The following FOXP2 variants were observed in gnomAD, a reference collection of about 807,000 sequenced individuals.
FOXP2 encodes forkhead box P2, also known as forkhead box protein P2.
FOXP2 carries 12 observed loss-of-function variants against 115.8 expected under a neutral mutation model. That is an observed-to-expected ratio of 0.10 (90% confidence interval 0.07 to 0.17). The LOEUF is 0.17. Among genes scored for constraint, FOXP2 ranks in the 10% least tolerant of loss-of-function variants. FOXP2 has a pLI of 1.00. For missense variants in FOXP2, 629 were observed against 843.5 expected, an observed-to-expected ratio of 0.75 and a Z score of 3.15; for synonymous variants, 328 against 297.7, an observed-to-expected ratio of 1.10 and a Z score of -1.05.
intron 3 of FOXP2, among the ~76,000 whole-genome samples, chr7:114,620,748 A>G (rs1302106012): frequency 1.3e-5 from 2 of 152,096 alleles, no homozygotes; most frequent in African/African-American, 4.8e-5. Flanking sequence ...GCATAGTTTT[A>G]TAATCTAACC....
chr7:114,212,797 A>T (rs139760442), intron 1 of FOXP2, among the ~76,000 whole-genome samples: 465 of 152,320 alleles, frequency 3.1e-3, no homozygotes, highest in African/African-American at 0.011. Flanking sequence ...AAACAACAAC[A>T]ACATCCTGTA....
chr7:114,385,788 G>A (rs570384600), intron 2 of FOXP2, among the ~76,000 whole-genome samples: 7 of 152,222 alleles, frequency 4.6e-5, no homozygotes, highest in African/African-American at 1.7e-4. Context: ...GTTACCGGAG[G>A]TCCTTGCTCA....
intron 7 of FOXP2, among the ~76,000 whole-genome samples, 189 bp downstream of exon 7, chr7:114,642,812 ATTTTTTTTT>A (rs869136743): frequency 2.9e-4 from 21 of 72,414 alleles, no homozygotes; most frequent in African/African-American, 1.4e-3. Context: ...ATATATATAT[ATTTTTTTTT>A]TTTTTTAGGC....
chr7:114,211,402 T>G (rs981749121), intron 1 of FOXP2, among the ~76,000 whole-genome samples: 2 of 152,174 alleles, frequency 1.3e-5, no homozygotes, highest in Non-Finnish European at 2.9e-5. Context: ...AAAGCTGGTT[T>G]CCCGGGTAGG....
At chr7:114,164,553 C>T (rs1028361409) in intron 1 of FOXP2, among the ~76,000 whole-genome samples, 1 of 151,842 alleles carries the variant, frequency 6.6e-6, no homozygotes, top group Non-Finnish European at 1.5e-5. Context: ...ACCATGTTGG[C>T]CTGGTCTCGA....
chr7:114,197,044 A>G (rs935831234), intron 1 of FOXP2, among the ~76,000 whole-genome samples: 4 of 152,090 alleles, frequency 2.6e-5, no homozygotes, highest in African/African-American at 9.7e-5. Flanking sequence ...TAAAAATATT[A>G]GCCATTAGCC....
chr7:114,650,946 A>G (rs1156617940), intron 8 of FOXP2, among the ~76,000 whole-genome samples: 1 of 152,104 alleles, frequency 6.6e-6, no homozygotes, highest in East Asian at 1.9e-4. Flanking sequence ...GAACCTAGGT[A>G]TATAAACAAA....
At chr7:114,471,755 G>A (rs1796056653) in intron 2 of FOXP2, among the ~76,000 whole-genome samples, 1 of 150,808 alleles carries the variant, frequency 6.6e-6, no homozygotes, top group South Asian at 2.1e-4. Context: ...TTTGAGACCA[G>A]CCTGGCCAAC....
At chr7:114,499,796 C>A (rs763353588) in intron 2 of FOXP2, 3 of 152,094 alleles carry the variant, frequency 2.0e-5, no homozygotes, top group African/African-American at 7.2e-5. Context: ...TGAAGGATTG[C>A]TTAATTAATT....
intron 3 of FOXP2, among the ~76,000 whole-genome samples, chr7:114,543,519 G>A (rs1799780516): frequency 2.0e-5 from 3 of 151,164 alleles, no homozygotes; most frequent in African/African-American, 7.4e-5. Context: ...AATTTGCCCT[G>A]TGATTAATTT....
chr7:114,371,226 A>G (rs555093562), intron 2 of FOXP2, among the ~76,000 whole-genome samples: 1 of 149,816 alleles, frequency 6.7e-6, no homozygotes, highest in East Asian at 2.0e-4. Flanking sequence ...AACTAGAGGC[A>G]CATGCCACCA....
At chr7:114,253,426 T>G (rs1795509221) in intron 1 of FOXP2, among the ~76,000 whole-genome samples, 1 of 152,202 alleles carries the variant, frequency 6.6e-6, no homozygotes, top group East Asian at 1.9e-4. Context: ...TGTGGGAGTC[T>G]AAGTCTCTTT....
chr7:114,566,018 T>C (rs1339565862), intron 3 of FOXP2, among the ~76,000 whole-genome samples: 1 of 152,158 alleles, frequency 6.6e-6, no homozygotes, highest in Non-Finnish European at 1.5e-5. Context: ...TGAAGTTGTA[T>C]GAATTTGCAA....
At chr7:114,196,793 AT>A (rs1793923635) in intron 1 of FOXP2, among the ~76,000 whole-genome samples, 1 of 152,118 alleles carries the variant, frequency 6.6e-6, no homozygotes, top group Non-Finnish European at 1.5e-5. Flanking sequence ...AGTTCCCCTT[AT>A]TTACATTTAA....
chr7:114,400,633 G>C (rs1792864259), intron 2 of FOXP2, among the ~76,000 whole-genome samples: 1 of 152,102 alleles, frequency 6.6e-6, no homozygotes, highest in Non-Finnish European at 1.5e-5. Context: ...AATGGCTTCT[G>C]GATGAAACTG....
At chr7:114,329,522 A>G (rs1584640587) in intron 2 of FOXP2, among the ~76,000 whole-genome samples, 1 of 117,100 alleles carries the variant, frequency 8.5e-6, no homozygotes, top group Non-Finnish European at 1.8e-5. Flanking sequence ...TCCATCTCGG[A>G]AAAAAAAAAA....
intron 1 of FOXP2, among the ~76,000 whole-genome samples, chr7:114,098,662 AT>A (rs994481315): frequency 6.6e-6 from 1 of 152,034 alleles, no homozygotes; most frequent in Middle Eastern, 3.2e-3. Context: ...CTTGGCAATG[AT>A]TTTTTTTGGA....
At chr7:114,271,561 TATATA>T (rs1796042838) in intron 1 of FOXP2, among the ~76,000 whole-genome samples, 1 of 127,284 alleles carries the variant, frequency 7.9e-6, no homozygotes, top group Non-Finnish European at 1.6e-5. Context: ...TAATATATAA[TATATA>T]ATATAATTTA....
chr7:114,528,069 A>T (rs1266667534), intron 2 of FOXP2, among the ~76,000 whole-genome samples: 1 of 151,672 alleles, frequency 6.6e-6, no homozygotes, highest in African/African-American at 2.4e-5. Context: ...TAACATGAAG[A>T]CTCTTTGTCA....
Sources: gnomAD v4.1 joint callset for allele counts (sites outside exome capture counted in the v4.1 genomes callset) on GRCh38, gnomAD v4.1.1 for gene constraint, MANE v1.5 for transcripts, NCBI Gene and HGNC (gene_info 2026-07-23, HGNC 2026-07-21) for gene names.